The following PIK3C2G variants were observed in gnomAD, a reference collection of about 807,000 sequenced individuals.
The protein encoded by PIK3C2G is phosphatidylinositol-4-phosphate 3-kinase catalytic subunit type 2 gamma.
A neutral mutation model predicts 181.1 loss-of-function variants in PIK3C2G; 168 were observed. The observed-to-expected ratio is 0.93, with a 90% CI of 0.82 to 1.05. The LOEUF (loss-of-function observed/expected upper bound fraction) is 1.05, where lower values mean the gene tolerates loss of function less well. PIK3C2G is among the 50% of genes least tolerant of loss of function. The pLI, the probability that PIK3C2G is intolerant of heterozygous loss-of-function variation, is 0.00. For synonymous variants in PIK3C2G, 573 were observed against 592.2 expected (o/e 0.97, Z 0.47); for missense variants, 1,869 against 1,732.8 (o/e 1.08, Z -1.40).
At chr12:18,673,898 T>C in the PIK3C2G span, among the ~76,000 whole-genome samples, 6 of 152,328 alleles carry the variant, frequency 3.9e-5, no homozygotes, top group South Asian at 2.1e-4. Flanking sequence ...GGCAGCTTGC[T>C]TCATCATAGT....
rs1941358686 is a variant in PIK3C2G, at chr12:18,362,818, C to A, written c.1680C>A (p.Cys560Ter). The A allele has an allele frequency of 6.6e-7, 1 of 1,521,452 alleles. No homozygotes were observed. The highest frequency in any genetic ancestry group is 8.8e-7 in the Non-Finnish European group (1 of 1,139,278). The allele number at this position is 1,521,452 out of a possible 1,614,324, so 94.2% of individuals were successfully genotyped here. A position where few individuals can be genotyped will look rare whatever the true frequency, so the allele number is the denominator to read the frequency against. ...CWLTYAGKKL[C>*]QVRNYRNIPD... is the part of the protein sequence containing the mutation. ...TTACATATGCTGGAAAGAAGCTGTG[C>A]CAAGTGAGAAACTACAGAAATATTC... The change falls in exon 12 of 33, where the codon TGC (cysteine) becomes TGA (stop). Residue 560 changes from cysteine (C) to a stop codon, truncating the protein, a stop_gained. Coordinates refer to ENST00000538779, the MANE Select transcript of PIK3C2G (RefSeq NM_001288772.2). LOFTEE classifies it high-confidence loss of function.
intron 24 of PIK3C2G, among the ~76,000 whole-genome samples, chr12:18,521,468 AG>A (rs1942910576): frequency 6.6e-6 from 1 of 152,180 alleles, no homozygotes; most frequent in South Asian, 2.1e-4. Context: ...GAGTTCCTAC[AG>A]GGAGGCCCTG....
chr12:18,503,225 G>C lies in PIK3C2G; in HGVS notation c.3017-56G>C, dbSNP rs532800817. 21 of 1,332,200 alleles carry C rather than the reference G, an allele frequency of 1.6e-5. No individual in the cohort carries two copies. The East Asian group carries it at 4.9e-4, about 31-fold the overall frequency. 82.5% of individuals were successfully genotyped at this position (1,332,200 alleles called of 1,614,324 possible). A position where few individuals can be genotyped will look rare whatever the true frequency, so the allele number is the denominator to read the frequency against. The stretch of plus-strand genomic sequence containing the variant: ...AGCTATTGTTGTTATATTTCCTAAG[G>C]CTCCCTCATCTTGTGATGAAGGAAT... On this transcript the variant is annotated intron_variant, in intron 22 of 32. Transcript: ENST00000538779.
downstream of PIK3C2G, among the ~76,000 whole-genome samples, chr12:18,648,569 C>T (rs1950277149): frequency 6.6e-6 from 1 of 152,152 alleles, no homozygotes; most frequent in South Asian, 2.1e-4. Context: ...GAAATTCTTA[C>T]ATTCAATTGT....
At chr12:18,481,707 T>G (rs773706595) in intron 18 of PIK3C2G, among the ~76,000 whole-genome samples, 2 of 151,942 alleles carry the variant, frequency 1.3e-5, no homozygotes, top group Non-Finnish European at 1.5e-5. Flanking sequence ...TCAAACAAAA[T>G]AAGCCCAGAT....
chr12:18,691,970 G>C, the PIK3C2G span, among the ~76,000 whole-genome samples: 1 of 152,130 alleles, frequency 6.6e-6, no homozygotes, highest in Non-Finnish European at 1.5e-5. Context: ...TCTCAGCTGA[G>C]ATAAAGTGGC....
the PIK3C2G span, among the ~76,000 whole-genome samples, chr12:18,695,519 A>G: frequency 6.6e-6 from 1 of 152,144 alleles, no homozygotes; most frequent in Admixed American, 6.6e-5. Flanking sequence ...AATTGTCGTT[A>G]CAATATGGAA....
In PIK3C2G at chr12:18,506,309, A is replaced by G. The variant is rs555700633; in HGVS notation, c.3323+848A>G. ...GGGTGAAGAGTTTGGTGGAGGCCCA[A>G]TCAGGTAGGGCACAGAGGGCATATA... On this transcript the variant is annotated intron_variant, in intron 24 of 32. Transcript: ENST00000538779. 1.8e-4 allele frequency among the ~76,000 whole-genome samples: 28 copies of G among 152,258 alleles called. No homozygotes were observed. The South Asian group carries it at 3.5e-3, about 19-fold the overall frequency.
chr12:18,375,245 C>A (rs952471070), intron 13 of PIK3C2G, among the ~76,000 whole-genome samples: 2 of 152,204 alleles, frequency 1.3e-5, no homozygotes, highest in Non-Finnish European at 2.9e-5. Flanking sequence ...TCTGTAAAGG[C>A]TGACAAGGTC....
chr12:18,468,009 A>G (rs1046671229), intron 18 of PIK3C2G, among the ~76,000 whole-genome samples: 1 of 151,948 alleles, frequency 6.6e-6, no homozygotes, highest in Non-Finnish European at 1.5e-5. Context: ...TTTTAGCTAC[A>G]TAAACATAAA....
intron 30 of PIK3C2G, among the ~76,000 whole-genome samples, chr12:18,609,020 G>A (rs575921307): frequency 2.8e-4 from 42 of 152,136 alleles, no homozygotes; most frequent in African/African-American, 9.4e-4. Context: ...CACTTACTAC[G>A]TGACAACTTT....
chr12:18,423,146 A>AGAGT (rs566413322), intron 17 of PIK3C2G, among the ~76,000 whole-genome samples: 1 of 149,370 alleles, frequency 6.7e-6, no homozygotes, highest in Non-Finnish European at 1.5e-5. Flanking sequence ...AGAGAGAGAG[A>AGAGT]GTGTGTGTGT....
intron 26 of PIK3C2G, among the ~76,000 whole-genome samples, chr12:18,559,803 T>TAG (rs1945224278): frequency 1.9e-5 from 1 of 51,422 alleles, no homozygotes; most frequent in African/African-American, 7.2e-5. Flanking sequence ...TATATATATA[T>TAG]ATATATATAT....
intron 30 of PIK3C2G, among the ~76,000 whole-genome samples, chr12:18,599,405 A>AC (rs1947571834): frequency 6.6e-6 from 1 of 151,558 alleles, no homozygotes; most frequent in African/African-American, 2.4e-5. Flanking sequence ...AGAGCAAAAA[A>AC]CCAAACACCG....
rs111870511 is a variant in PIK3C2G, at chr12:18,542,297, C to T, written c.3480+3985C>T. 2.5e-3 allele frequency among the ~76,000 whole-genome samples: 385 copies of T among 151,946 alleles called. 2 individuals are homozygous for T. The highest frequency in any genetic ancestry group is 8.8e-3 in the African/African-American group (364 of 41,498). On this transcript the variant is annotated intron_variant, in intron 25 of 32. Transcript: ENST00000538779. ...ACCTAATCTAGATTCTAGTGGCTAT[C>T]GGGAATGTGTCTTCCTATGGTTGAT...
At chr12:18,657,080 C>A in the PIK3C2G span, among the ~76,000 whole-genome samples, 4 of 152,064 alleles carry the variant, frequency 2.6e-5, no homozygotes, top group Non-Finnish European at 5.9e-5. Flanking sequence ...AAAACAAGCC[C>A]AAAGGGTTTG....
At chr12:18,464,055 A>G (rs1948059315) in intron 18 of PIK3C2G, among the ~76,000 whole-genome samples, 1 of 152,130 alleles carries the variant, frequency 6.6e-6, no homozygotes, top group Non-Finnish European at 1.5e-5. Flanking sequence ...AATGATCTGT[A>G]CTAACAAATC....
intron 19 of PIK3C2G, among the ~76,000 whole-genome samples, chr12:18,489,147 T>C (rs953064600): frequency 1.3e-5 from 2 of 152,126 alleles, no homozygotes; most frequent in Non-Finnish European, 2.9e-5. Context: ...GACCTGGCTA[T>C]TATTTTTCTT....
chr12:18,520,150 T>G (rs1254395939), intron 24 of PIK3C2G, among the ~76,000 whole-genome samples: 7 of 152,098 alleles, frequency 4.6e-5, no homozygotes, highest in African/African-American at 1.7e-4. Context: ...GCCCTTAACA[T>G]TTTTTCCTTC....
Sources: gnomAD v4.1 joint callset for allele counts (sites outside exome capture counted in the v4.1 genomes callset) on GRCh38, gnomAD v4.1.1 for gene constraint, MANE v1.5 for transcripts, NCBI Gene and HGNC (gene_info 2026-07-23, HGNC 2026-07-21) for gene names.